Variants in POFUT1 observed in about 807,000 individuals in gnomAD.
POFUT1 encodes protein O-fucosyltransferase 1.
Under a neutral mutation model 42.4 loss-of-function variants are expected in POFUT1, and 16 were observed. That is an observed-to-expected ratio of 0.38 (90% CI 0.26 to 0.57). The LOEUF (loss-of-function observed/expected upper bound fraction) is 0.57, where lower values mean the gene tolerates loss of function less well. POFUT1 is among the 20% of genes least tolerant of loss of function. The pLI is 0.71. For missense variants in POFUT1, 470 were observed against 504.6 expected, an observed-to-expected ratio of 0.93 and a Z score of 0.66; for synonymous variants, 206 against 205.4, an observed-to-expected ratio of 1.00 and a Z score of -0.03.
chr20:32,223,756 G>A, intron 4 of POFUT1: 1 of 914,626 alleles, frequency 1.1e-6, no homozygotes, highest in Non-Finnish European at 1.3e-6. Context: ...CATGTGATAA[G>A]GTCCATGCTG....
rs1439476967 is a variant in POFUT1, at chr20:32,207,969, C to T, written c.28C>T (p.Leu10=). Residue 10 remains leucine (L), a synonymous_variant, in exon 1 of 7, where the codon CTG becomes TTG. Transcript: ENST00000375749. MGAAAWARP[L]SVSFLLLLLP... The stretch of plus-strand genomic sequence containing the variant: ...GGGCGCCGCCGCGTGGGCACGGCCG[C>T]TGAGCGTGTCTTTCCTGCTGCTGCT... 2 of 1,592,534 alleles carry T rather than the reference C, an allele frequency of 1.3e-6. No homozygotes were observed. Among genetic ancestry groups the T allele is most frequent in the Non-Finnish European group, 1.7e-6 (2 of 1,176,204 alleles).
intron 2 of POFUT1, among the ~76,000 whole-genome samples, chr20:32,213,652 T>C (rs1369775903): frequency 6.6e-6 from 1 of 151,666 alleles, no homozygotes; most frequent in Non-Finnish European, 1.5e-5. Context: ...GTGCCTGCAA[T>C]CCCAGCTACT....
At position 32,215,444 on chromosome 20, in the gene POFUT1, C is replaced by T. The variant is rs1019316308; in HGVS notation, c.422C>T (p.Pro141Leu). The change falls in exon 3 of 7, where the codon CCC (proline) becomes CTC (leucine). Residue 141 changes from proline to leucine, a missense_variant. Coordinates refer to ENST00000375749, the MANE Select transcript of POFUT1 (RefSeq NM_015352.2). ...CGAAGCCCAGATAAGAAGACGTGCC[C>T]CATGAAGGTGGGTCCTGTGGGTTCG... ...AQRSPDKKTC[P>L]MKEGNPFGPF... The T allele has an allele frequency of 1.2e-6, 2 of 1,608,458 alleles. No homozygotes were observed. Among genetic ancestry groups the T allele is most frequent in the Non-Finnish European group, 1.7e-6 (2 of 1,175,832 alleles).
At chr20:32,217,027 G>T (rs777296249) in intron 4 of POFUT1, 1 of 1,613,942 alleles carries the variant, frequency 6.2e-7, no homozygotes, top group Non-Finnish European at 8.5e-7. Flanking sequence ...TCACTCCTGT[G>T]TTACCTTACT....
chr20:32,220,549 C>T (rs2047386445), intron 4 of POFUT1, among the ~76,000 whole-genome samples: 1 of 152,110 alleles, frequency 6.6e-6, no homozygotes, highest in Non-Finnish European at 1.5e-5. Flanking sequence ...CAAGACCAGC[C>T]TGGCCAACAT....
chr20:32,228,324 C>G lies in POFUT1; in HGVS notation c.604C>G (p.Leu202Val). ...LPGAPAQFPV[L>V]EEHRPLQKYM... ...AGGAGCCCCAGCCCAGTTCCCCGTC[C>G]TAGAGGAACACAGGCCACTACAGAA... is the stretch of plus-strand genomic sequence containing the variant. The change falls in exon 5 of 7, where the codon CTA becomes GTA. Residue 202 changes from leucine (L) to valine (V), a missense_variant. Physicochemically the swap from Leu to Val is conservative, Grantham distance 32 (BLOSUM62 1). Coordinates refer to ENST00000375749, the MANE Select transcript of POFUT1 (RefSeq NM_015352.2). 6.2e-7 allele frequency: 1 copy of G among 1,613,994 alleles called. No homozygotes were observed. The highest frequency in any genetic ancestry group is 8.5e-7 in the Non-Finnish European group (1 of 1,179,862).
At chr20:32,214,955 C>T (rs1405657407) in intron 2 of POFUT1, among the ~76,000 whole-genome samples, 1 of 152,086 alleles carries the variant, frequency 6.6e-6, no homozygotes, top group African/African-American at 2.4e-5. Context: ...ACAATCTTGG[C>T]TCACTGCAAG....
chr20:32,212,005 C>A (rs1374337771), intron 2 of POFUT1, among the ~76,000 whole-genome samples: 1 of 152,172 alleles, frequency 6.6e-6, no homozygotes. Context: ...CAGATGTTAT[C>A]TAGATTCTGT....
chr20:32,237,635 G>A lies in POFUT1; in HGVS notation c.*2974G>A. On this transcript the variant is annotated 3_prime_UTR_variant, in exon 7 of 7. Coordinates refer to ENST00000375749, the MANE Select transcript of POFUT1 (RefSeq NM_015352.2). Reference sequence around the variant, plus strand: ...CGGCCATGGCAGGAAGCTTTTAGTTGGAGAGATACAGGAAGCCTCCTAGGG... The same window carrying A: ...CGGCCATGGCAGGAAGCTTTTAGTTAGAGAGATACAGGAAGCCTCCTAGGG... The A allele has an allele frequency of 6.2e-6, 2 of 321,218 alleles. No individual in the cohort carries two copies. Among genetic ancestry groups the A allele is most frequent in the Non-Finnish European group, 1.3e-5 (2 of 150,686 alleles). The allele number at this position is 321,218 out of a possible 1,614,324, so 19.9% of individuals were successfully genotyped here. A position where few individuals can be genotyped will look rare whatever the true frequency, so the allele number is the denominator to read the frequency against.
At position 32,208,060 on chromosome 20, in the gene POFUT1, G is replaced by C; in HGVS notation, c.119G>C (p.Cys40Ser). 1.3e-6 allele frequency: 2 copies of C among 1,555,018 alleles called. No individual in the cohort carries two copies. Among genetic ancestry groups the C allele is most frequent in the Non-Finnish European group, 1.7e-6 (2 of 1,154,284 alleles). ...GCCGGTTACCTGCTCTACTGCCCCT[G>C]CATGGGTAAGGCCTCCCAAGCCCTC... is the stretch of plus-strand genomic sequence containing the variant. ...DPAGYLLYCP[C>S]MGRFGNQADH... Residue 40 changes from cysteine to serine, a missense_variant, in exon 1 of 7, where the codon TGC becomes TCC. Transcript: ENST00000375749.
rs2047354156 is a variant in POFUT1, at chr20:32,215,368, C to T, written c.346C>T (p.His116Tyr). 3 of 1,614,106 alleles carry T rather than the reference C, an allele frequency of 1.9e-6. No individual in the cohort carries two copies. Among genetic ancestry groups the T allele is most frequent in the Non-Finnish European group, 2.5e-6 (3 of 1,179,980 alleles). Residue 116 changes from histidine to tyrosine, a missense_variant, in exon 3 of 7, where the codon CAC becomes TAC. By Grantham distance (83) the His-to-Tyr change is moderately conservative. Transcript: ENST00000375749. ...EDFMEKLAPT[H>Y]WPPEKRVAYC... ...TTTCATGGAGAAGCTGGCACCCACC[C>T]ACTGGCCCCCTGAGAAGCGGGTGGC... is the stretch of plus-strand genomic sequence containing the variant.
At chr20:32,224,896 G>A (rs570968622) in intron 4 of POFUT1, among the ~76,000 whole-genome samples, 24 of 152,308 alleles carry the variant, frequency 1.6e-4, no homozygotes, top group African/African-American at 5.5e-4. Context: ...GATCAACATG[G>A]CCAAGTCTCT....
intron 4 of POFUT1, among the ~76,000 whole-genome samples, chr20:32,221,832 C>T (rs2047392484): frequency 6.6e-6 from 1 of 152,070 alleles, no homozygotes; most frequent in Admixed American, 6.5e-5. Flanking sequence ...TATCAGGGTT[C>T]TCAGTAAGGC....
intron 4 of POFUT1, chr20:32,223,658 T>C (rs2047401058): frequency 3.0e-6 from 3 of 985,452 alleles, no homozygotes; most frequent in Non-Finnish European, 3.6e-6. Flanking sequence ...AATTCCTTCC[T>C]TCTCTAACCC....
chr20:32,217,591 TAC>T, intron 4 of POFUT1: 2 of 986,080 alleles, frequency 2.0e-6, no homozygotes, highest in Non-Finnish European at 2.4e-6. Flanking sequence ...CAGCCCAGGT[TAC>T]AGAGCAAGGG....
intron 4 of POFUT1, among the ~76,000 whole-genome samples, chr20:32,227,370 A>G (rs776429354): frequency 1.3e-5 from 2 of 152,052 alleles, no homozygotes; most frequent in Non-Finnish European, 2.9e-5. Context: ...AATGTAAAAA[A>G]TTAGCTGGGC....
Position 32,215,436 on chromosome 20 carries a change from G to C in POFUT1, c.414G>C (p.Lys138Asn), listed in dbSNP as rs1280165035. 1 of 1,610,334 alleles carries C rather than the reference G, an allele frequency of 6.2e-7. No homozygotes were observed. The highest frequency in any genetic ancestry group is 8.5e-7 in the Non-Finnish European group (1 of 1,177,286). The change falls in exon 3 of 7, where the codon AAG becomes AAC. Residue 138 changes from lysine (K) to asparagine (N), a missense_variant. Transcript: ENST00000375749. Reference sequence around the variant, plus strand: ...CAGCCCAGCGAAGCCCAGATAAGAAGACGTGCCCCATGAAGGTGGGTCCTG... The same window carrying C: ...CAGCCCAGCGAAGCCCAGATAAGAACACGTGCCCCATGAAGGTGGGTCCTG... ...EVAAQRSPDKKTCPMKEGNPF... is the reference protein window; with the variant it reads ...EVAAQRSPDKNTCPMKEGNPF...
At position 32,216,595 on chromosome 20, in the gene POFUT1, C is replaced by T. The variant is rs761411649; in HGVS notation, c.430-14C>T. ...CTCCCCATCAGTAAGCCTTCCACCA[C>T]TCTCTTTCTGCAGGAAGGAAACCCC... On this transcript the variant is annotated splice_polypyrimidine_tract_variant and intron_variant, in intron 3 of 6. Transcript: ENST00000375749. 6.5e-7 allele frequency: 1 copy of T among 1,548,592 alleles called. No homozygotes were observed.
intron 4 of POFUT1, among the ~76,000 whole-genome samples, chr20:32,225,812 A>G (rs1040078805): frequency 6.6e-6 from 1 of 152,174 alleles, no homozygotes; most frequent in African/African-American, 2.4e-5. Context: ...AACAAAAACA[A>G]CAACAAAAAA....
Sources: allele counts gnomAD v4.1 joint callset (sites outside exome capture counted in the v4.1 genomes callset), GRCh38; gene constraint gnomAD v4.1.1; transcripts MANE v1.5; gene names NCBI Gene and HGNC (gene_info 2026-07-23, HGNC 2026-07-21).